RALGAPA1: variants seen among roughly 807,000 people sequenced by gnomAD.
RALGAPA1 encodes the protein ral GTPase-activating protein subunit alpha-1.
RALGAPA1 carries 52 observed loss-of-function variants against 269.6 expected under a neutral mutation model. The ratio of observed to expected loss-of-function variants is 0.19; its 90% CI spans 0.15 to 0.24. The LOEUF is 0.24. Ranked by LOEUF, RALGAPA1 falls within the 10% of genes least tolerant of loss-of-function variation. The pLI, the probability that RALGAPA1 is intolerant of heterozygous loss-of-function variation, is 1.00. For synonymous variants in RALGAPA1, 817 were observed against 1,008.3 expected (o/e 0.81, Z 3.60); for missense variants, 1,917 against 3,013.9 (o/e 0.64, Z 8.52).
rs1420212042 is a variant in RALGAPA1, at chr14:35,664,663, CACA to C, written c.5304_5306del (p.Val1769del). On this transcript the variant is annotated inframe_deletion, in exon 27 of 42. Transcript: ENST00000680220. ...TTACCTTAACATCTGTAAACTGAGA[CACA>C]GCAACATCAGGAATGTTGGGATGAA... The C allele has an allele frequency of 8.1e-6, 13 of 1,610,318 alleles. No homozygotes were observed. The highest frequency in any genetic ancestry group is 1.0e-5 in the Non-Finnish European group (12 of 1,178,736).
At chr14:35,600,191 T>G (rs1431231208) in intron 36 of RALGAPA1, among the ~76,000 whole-genome samples, 1 of 151,068 alleles carries the variant, frequency 6.6e-6, no homozygotes, top group Non-Finnish European at 1.5e-5. Flanking sequence ...TCATTATTTT[T>G]AGGTTTCTTT....
At chr14:35,632,823 G>A (rs1433017394) in intron 33 of RALGAPA1, among the ~76,000 whole-genome samples, 2 of 152,164 alleles carry the variant, frequency 1.3e-5, no homozygotes, top group African/African-American at 4.8e-5. Context: ...AAAAGTACTT[G>A]AAGATGATGA....
chr14:35,652,775 CAAAGTAAATGAA>C lies in RALGAPA1; in HGVS notation c.5608-914_5608-903del, dbSNP rs576943250. Among the ~76,000 whole-genome samples the C allele has an allele frequency of 3.6e-3, 540 of 151,880 alleles. 3 individuals carry two copies. The highest frequency in any genetic ancestry group is 6.8e-3 in the Non-Finnish European group (461 of 67,940). On this transcript the variant is annotated intron_variant, in intron 30 of 41. Coordinates refer to ENST00000680220, the MANE Select transcript of RALGAPA1 (RefSeq NM_001346249.2). ...TTGAATAAATATAAAGTACAGAATA[CAAAGTAAATGAA>C]AAAGACATTATTTAAAAAAAGGCAA...
chr14:35,722,271 G>A (rs899765707), intron 15 of RALGAPA1, among the ~76,000 whole-genome samples: 3 of 152,180 alleles, frequency 2.0e-5, no homozygotes, highest in African/African-American at 7.2e-5. Flanking sequence ...ACAAAAGTAT[G>A]AAATGTGACT....
At chr14:35,625,139 A>G (rs1594868802) in intron 35 of RALGAPA1, among the ~76,000 whole-genome samples, 1 of 126,260 alleles carries the variant, frequency 7.9e-6, no homozygotes, top group African/African-American at 3.2e-5. Flanking sequence ...TGACAGTGGG[A>G]GACTCTGTCT....
intron 31 of RALGAPA1, among the ~76,000 whole-genome samples, chr14:35,650,363 T>TA (rs1192347534): frequency 2.0e-5 from 3 of 152,008 alleles, no homozygotes; most frequent in African/African-American, 7.2e-5. Context: ...CCAGCTTGGG[T>TA]GACAGAGTGA....
At chr14:35,804,163 G>A (rs1360434086) in intron 1 of RALGAPA1, among the ~76,000 whole-genome samples, 1 of 151,988 alleles carries the variant, frequency 6.6e-6, no homozygotes, top group Non-Finnish European at 1.5e-5. Context: ...TTGGGAGGCT[G>A]AGGCAGGAGA....
At chr14:35,675,663 T>C (rs1341248060) in intron 22 of RALGAPA1, among the ~76,000 whole-genome samples, 6 of 152,092 alleles carry the variant, frequency 3.9e-5, no homozygotes, top group Non-Finnish European at 8.8e-5. Flanking sequence ...ATCTGTAAAA[T>C]AGATGGTTTT....
intron 31 of RALGAPA1, among the ~76,000 whole-genome samples, chr14:35,645,346 G>GGGGTGTGTGTGTGT (rs71445953): frequency 1.4e-4 from 18 of 129,486 alleles, no homozygotes; most frequent in African/African-American, 5.1e-4. Flanking sequence ...TATAGAGATG[G>GGGGTGTGTGTGTGT]GTGTGTGTGT....
intron 39 of RALGAPA1, among the ~76,000 whole-genome samples, chr14:35,550,081 T>G (rs1319611758): frequency 3.3e-5 from 5 of 152,210 alleles, no homozygotes; most frequent in African/African-American, 9.6e-5. Context: ...GCTTCCTGTT[T>G]CAGCAGGCCT....
chr14:35,670,593 T>C (rs1345820398), intron 26 of RALGAPA1, among the ~76,000 whole-genome samples: 1 of 152,166 alleles, frequency 6.6e-6, no homozygotes, highest in Non-Finnish European at 1.5e-5. Flanking sequence ...GTCTCACAGT[T>C]CCACGACCAT....
chr14:35,685,972 T>G (rs1309510441), intron 19 of RALGAPA1, among the ~76,000 whole-genome samples: 1 of 152,170 alleles, frequency 6.6e-6, no homozygotes, highest in Non-Finnish European at 1.5e-5. Context: ...TGCTTTCATG[T>G]TGCCATACTC....
At chr14:35,767,912 C>T (rs139790458) in intron 4 of RALGAPA1, among the ~76,000 whole-genome samples, 1 of 152,084 alleles carries the variant, frequency 6.6e-6, no homozygotes, top group East Asian at 1.9e-4. Context: ...GGAGCTGGGA[C>T]GACATGAAGG....
chr14:35,721,713 C>G lies in RALGAPA1; in HGVS notation c.2241G>C (p.Arg747Ser). Residue 747 changes from arginine (R) to serine (S), a missense_variant, in exon 16 of 42, where the codon AGG (arginine) becomes AGC (serine). Around this residue, in one of 11 missense-constraint regions of RALGAPA1, gnomAD observed 125 missense variants for 155.7 expected, o/e 0.80. Transcript: ENST00000680220. The part of the protein sequence containing the change: ...TTGSPGTEKA[R>S]SIVRQKTVAM... ...CGACAGTTTTTTGCCGTACTATACT[C>G]CTCGCCTTTTCGGTTCCTGGAGAAC... 6.2e-7 allele frequency: 1 copy of G among 1,613,580 alleles called. No homozygotes were observed. The highest frequency in any genetic ancestry group is 8.5e-7 in the Non-Finnish European group (1 of 1,179,896).
At chr14:35,645,312 CACAA>C (rs2062332740) in intron 31 of RALGAPA1, among the ~76,000 whole-genome samples, 1 of 150,502 alleles carries the variant, frequency 6.6e-6, no homozygotes, top group Non-Finnish European at 1.5e-5. Flanking sequence ...TCGGGAGAGA[CACAA>C]ACATTCAGTC....
At chr14:35,765,806 G>A (rs1170926342) in intron 4 of RALGAPA1, 3 of 538,710 alleles carry the variant, frequency 5.6e-6, no homozygotes, top group Non-Finnish European at 9.9e-6. Flanking sequence ...AAAAATTACT[G>A]TCTTACATGT....
At chr14:35,792,845 T>C (rs1427122288) in intron 1 of RALGAPA1, among the ~76,000 whole-genome samples, 3 of 73,120 alleles carry the variant, frequency 4.1e-5, no homozygotes, top group Non-Finnish European at 5.5e-5. Flanking sequence ...GAAAGAAAGA[T>C]AGATTGTGAC....
In RALGAPA1 at chr14:35,774,872, A is replaced by C. The variant is rs2074899667; in HGVS notation, c.267+134T>G. The C allele has an allele frequency of 1.7e-5, 11 of 653,812 alleles. No homozygotes were observed. The East Asian group carries it at 3.2e-4, about 19-fold the overall frequency. 40.5% of individuals were successfully genotyped at this position (653,812 alleles called of 1,614,324 possible). A position where few individuals can be genotyped will look rare whatever the true frequency, so the allele number is the denominator to read the frequency against. On this transcript the variant is annotated intron_variant, in intron 3 of 41. Coordinates refer to ENST00000680220, the MANE Select transcript of RALGAPA1 (RefSeq NM_001346249.2). ...GGATTCAGTCAGGCATATTTAAAAA[A>C]TTTAGATTTAGTTCTTAGAAAGGCT...
intron 37 of RALGAPA1, among the ~76,000 whole-genome samples, chr14:35,589,188 T>G (rs535844930): frequency 6.6e-6 from 1 of 152,326 alleles, no homozygotes; most frequent in South Asian, 2.1e-4. Context: ...ATTATAAATT[T>G]GATGATAAAA....
Sources: allele counts gnomAD v4.1 joint callset (sites outside exome capture counted in the v4.1 genomes callset), GRCh38; gene constraint gnomAD v4.1.1; regional missense constraint gnomAD v4.1.1; transcripts MANE v1.5; gene names NCBI Gene and HGNC (gene_info 2026-07-23, HGNC 2026-07-21).